Variants in ADGRE1 observed in about 807,000 individuals in gnomAD.
ADGRE1 encodes EGF-like module receptor 1.
In ADGRE1, 82 loss-of-function variants were observed where a neutral mutation model predicts 102.7. The ratio of observed to expected loss-of-function variants is 0.80; its 90% CI spans 0.67 to 0.96. ADGRE1 has a LOEUF of 0.96. ADGRE1 is among the 40% of genes least tolerant of loss of function. The pLI, the probability that ADGRE1 is intolerant of heterozygous loss-of-function variation, is 0.00. For synonymous variants in ADGRE1, 398 were observed against 399.6 expected, an observed-to-expected ratio of 1.00 and a Z score of 0.05; for missense variants, 1,032 against 1,085.3, an observed-to-expected ratio of 0.95 and a Z score of 0.69.
At chr19:6,907,084 CT>C (rs1973988846) in intron 9 of ADGRE1, among the ~76,000 whole-genome samples, 6 of 150,894 alleles carry the variant, frequency 4.0e-5, no homozygotes, top group Admixed American at 4.0e-4. Context: ...TTTGGACATC[CT>C]GACTGTCTAA....
At chr19:6,915,940 A>AC (rs1167905763) in intron 11 of ADGRE1, among the ~76,000 whole-genome samples, 2 of 150,990 alleles carry the variant, frequency 1.3e-5, no homozygotes, top group Non-Finnish European at 2.9e-5. Flanking sequence ...AAAAAAAAAA[A>AC]AAAAAACTTA....
At chr19:6,902,255 G>T (rs1973790906) in intron 6 of ADGRE1, among the ~76,000 whole-genome samples, 1 of 152,100 alleles carries the variant, frequency 6.6e-6, no homozygotes, top group Admixed American at 6.6e-5. Context: ...ATCCCACTGG[G>T]GCTTAGGGCT....
At chr19:6,937,121 A>T in intron 18 of ADGRE1, 122 bp from the exon 19 acceptor site, 1 of 1,075,144 alleles carries the variant, frequency 9.3e-7, no homozygotes, top group Non-Finnish European at 1.4e-6. Flanking sequence ...ACCCCACCCT[A>T]CATTTGTCCA....
In ADGRE1 at chr19:6,940,141, C is replaced by G; in HGVS notation, c.*112C>G. ...GCTTAACATGGAAATGAGGATCCCA[C>G]CAGCCCCAGAACCCTCTGGGGAAGA... On this transcript the variant is annotated 3_prime_UTR_variant, in exon 21 of 21. Coordinates refer to ENST00000312053, the MANE Select transcript of ADGRE1 (RefSeq NM_001974.5). The G allele has an allele frequency of 7.8e-7, 1 of 1,283,058 alleles. No homozygotes were observed. Among genetic ancestry groups the G allele is most frequent in the Admixed American group, 1.9e-5 (1 of 51,624 alleles). 79.5% of individuals were successfully genotyped at this position (1,283,058 alleles called of 1,614,324 possible). A position where few individuals can be genotyped will look rare whatever the true frequency, so the allele number is the denominator to read the frequency against.
At chr19:6,926,794 C>G (rs1974929850) in intron 16 of ADGRE1, among the ~76,000 whole-genome samples, 193 bp downstream of exon 16, 1 of 152,056 alleles carries the variant, frequency 6.6e-6, no homozygotes, top group African/African-American at 2.4e-5. Context: ...AATCCAGGAT[C>G]ACTACTATTT....
intron 1 of ADGRE1, 138 bp from the exon 2 acceptor site, chr19:6,890,343 T>G: frequency 1.4e-6 from 1 of 703,260 alleles, no homozygotes; most frequent in Non-Finnish European, 2.3e-6. Context: ...GTTCCTTAAC[T>G]AGGTTTGTCA....
chr19:6,898,404 C>T (rs913132050), intron 5 of ADGRE1: 18 of 1,601,788 alleles, frequency 1.1e-5, no homozygotes, highest in Non-Finnish European at 1.5e-5. Flanking sequence ...TAGATGGTTT[C>T]TCTTCTCCCA....
At position 6,935,028 on chromosome 19, in the gene ADGRE1, G is replaced by A; in HGVS notation, c.2331G>A (p.Arg777=). 1.5e-5 allele frequency: 24 copies of A among 1,599,806 alleles called. No homozygotes were observed. Among genetic ancestry groups the A allele is most frequent in the Non-Finnish European group, 2.0e-5 (24 of 1,172,682 alleles). The change falls in exon 18 of 21, where the codon AGG becomes AGA. Residue 777 remains arginine, a synonymous_variant. Coordinates refer to ENST00000312053, the MANE Select transcript of ADGRE1 (RefSeq NM_001974.5). ...LLLTWTLWIL[R]QRLSSVNAEV... ...TGACCTGGACCTTGTGGATCCTGAGGCAGAGGCTTTCCAGTGTTAATGCCG... is the reference window on the plus strand; with the variant it reads ...TGACCTGGACCTTGTGGATCCTGAGACAGAGGCTTTCCAGTGTTAATGCCG...
At chr19:6,926,824 G>A (rs1215815982) in intron 16 of ADGRE1, among the ~76,000 whole-genome samples, 1 of 152,106 alleles carries the variant, frequency 6.6e-6, no homozygotes, top group African/African-American at 2.4e-5. Flanking sequence ...GTTCCAGGAA[G>A]AGAACATCTG....
chr19:6,891,149 G>C (rs545837132), intron 2 of ADGRE1: 3 of 152,236 alleles, frequency 2.0e-5, no homozygotes, highest in Admixed American at 6.5e-5. Flanking sequence ...CTGTTCTCGT[G>C]GTAGTGAGTA....
intron 2 of ADGRE1, among the ~76,000 whole-genome samples, chr19:6,893,216 A>G (rs1973438720): frequency 6.6e-6 from 1 of 151,734 alleles, no homozygotes; most frequent in African/African-American, 2.4e-5. Context: ...TATTTTTTTG[A>G]GACGGAGTTT....
At chr19:6,905,880 T>C (rs1241694309) in intron 8 of ADGRE1, among the ~76,000 whole-genome samples, 1 of 152,230 alleles carries the variant, frequency 6.6e-6, no homozygotes, top group Non-Finnish European at 1.5e-5. Context: ...ATGTTTCTTC[T>C]CCATTCTATC....
chr19:6,901,355 C>T (rs531334433), intron 5 of ADGRE1, among the ~76,000 whole-genome samples: 1 of 152,262 alleles, frequency 6.6e-6, no homozygotes, highest in Non-Finnish European at 1.5e-5. Context: ...GGGGCTTGTT[C>T]ATATGGCAGA....
chr19:6,920,371 C>CAT (rs1974601669), intron 13 of ADGRE1, among the ~76,000 whole-genome samples: 1 of 151,554 alleles, frequency 6.6e-6, no homozygotes, highest in Non-Finnish European at 1.5e-5. Flanking sequence ...AGGCGCCCGC[C>CAT]ACCATGACCG....
chr19:6,904,186 A>G lies in ADGRE1; in HGVS notation c.949+4A>G. ...GATGGCAACTTCAGCTGCCAAAGTA[A>G]TAATCTCTTTGTATGTCTTGGCAAT... On this transcript the variant is annotated splice_donor_region_variant and intron_variant, in intron 8 of 20. Coordinates refer to ENST00000312053, the MANE Select transcript of ADGRE1 (RefSeq NM_001974.5). The G allele has an allele frequency of 1.9e-6, 3 of 1,613,598 alleles. No homozygotes were observed. The highest frequency in any genetic ancestry group is 2.5e-6 in the Non-Finnish European group (3 of 1,179,978).
At chr19:6,935,106 C>T (rs763098514) in intron 18 of ADGRE1, 28 bp downstream of exon 18, 17 of 1,457,724 alleles carry the variant, frequency 1.2e-5, no homozygotes, top group Non-Finnish European at 2.7e-6. Flanking sequence ...CTCCCCCCCT[C>T]TTTTAATTTC....
At chr19:6,908,644 G>A (rs771956574) in intron 9 of ADGRE1, 45 bp from the exon 10 acceptor site, 52 of 1,432,116 alleles carry the variant, frequency 3.6e-5, no homozygotes, top group African/African-American at 5.9e-5. Flanking sequence ...GGAATACATC[G>A]ATTCATGCTC....
chr19:6,935,078 G>T lies in ADGRE1; in HGVS notation c.2381G>T (p.Arg794Met). 2 of 1,572,406 alleles carry T rather than the reference G, an allele frequency of 1.3e-6. No individual in the cohort carries two copies. Among genetic ancestry groups the T allele is most frequent in the South Asian group, 1.2e-5 (1 of 86,106 alleles). Residue 794 changes from arginine to methionine, a missense_variant and splice_region_variant, in exon 18 of 21, where the codon AGG (arginine) becomes ATG (methionine). Physicochemically the swap from Arg to Met is moderately conservative, Grantham distance 91. Coordinates refer to ENST00000312053, the MANE Select transcript of ADGRE1 (RefSeq NM_001974.5). Reference sequence around the variant, plus strand: ...GAAGTCTCAACGCTAAAAGACACCAGGTAAAGCCCTCTTTCACCTCCCCCC... The same window carrying T: ...GAAGTCTCAACGCTAAAAGACACCATGTAAAGCCCTCTTTCACCTCCCCCC... The part of the protein sequence containing the change: ...NAEVSTLKDT[R>M]LLTFKAFAQL...
intron 12 of ADGRE1, among the ~76,000 whole-genome samples, chr19:6,919,221 C>T (rs562684391): frequency 5.3e-5 from 8 of 151,966 alleles, no homozygotes; most frequent in East Asian, 1.9e-4. Flanking sequence ...TTAGTAGAAA[C>T]GGGGTTTCAC....
Sources: allele counts gnomAD v4.1 joint callset (sites outside exome capture counted in the v4.1 genomes callset), GRCh38; gene constraint gnomAD v4.1.1; transcripts MANE v1.5; gene names NCBI Gene and HGNC (gene_info 2026-07-23, HGNC 2026-07-21).